The following PTPRD variants were observed in gnomAD, a reference collection of about 807,000 sequenced individuals.
The protein encoded by PTPRD is receptor-type tyrosine-protein phosphatase delta.
In PTPRD, 34 loss-of-function variants were observed where a neutral mutation model predicts 214.5. The ratio of observed to expected loss-of-function variants is 0.16; its 90% CI spans 0.12 to 0.21. PTPRD has a LOEUF of 0.21. Among genes scored for constraint, PTPRD ranks in the 10% least tolerant of loss-of-function variants. The probability of loss-of-function intolerance (pLI) is 1.00; values close to 1 mark genes in which losing one functional copy is unlikely to be tolerated. For synonymous variants in PTPRD, 1,128 were observed against 845.7 expected (o/e 1.33, Z -5.79); for missense variants, 2,545 against 2,398.7 (o/e 1.06, Z -1.27).
chr9:9,849,881 C>A (rs1041336011), intron 5 of PTPRD, among the ~76,000 whole-genome samples: 1 of 152,018 alleles, frequency 6.6e-6, no homozygotes, highest in Non-Finnish European at 1.5e-5. Flanking sequence ...TAGGGATTAA[C>A]ATAGTAAAAG....
At chr9:8,671,382 T>A (rs538889183) in intron 12 of PTPRD, among the ~76,000 whole-genome samples, 1 of 152,040 alleles carries the variant, frequency 6.6e-6, no homozygotes, top group Non-Finnish European at 1.5e-5. Flanking sequence ...AAAGTAACAA[T>A]GGTAGGAAAT....
intron 7 of PTPRD, among the ~76,000 whole-genome samples, chr9:9,671,954 G>C (rs2096840311): frequency 6.6e-6 from 1 of 152,182 alleles, no homozygotes; most frequent in East Asian, 1.9e-4. Context: ...TTAGGGGGTT[G>C]TTATGAGATG....
chr9:8,666,860 T>C (rs941553166), intron 12 of PTPRD, among the ~76,000 whole-genome samples: 2 of 152,204 alleles, frequency 1.3e-5, no homozygotes, highest in African/African-American at 4.8e-5. Flanking sequence ...GACCTCCGCC[T>C]TCTCAAACTG....
At chr9:9,472,454 C>A (rs1239342387) in intron 8 of PTPRD, among the ~76,000 whole-genome samples, 1 of 151,980 alleles carries the variant, frequency 6.6e-6, no homozygotes, top group Non-Finnish European at 1.5e-5. Context: ...CCACCCGCCT[C>A]GGCCTCCCAA....
intron 7 of PTPRD, among the ~76,000 whole-genome samples, chr9:9,577,923 G>A (rs1395501194): frequency 6.6e-6 from 1 of 151,498 alleles, no homozygotes; most frequent in Non-Finnish European, 1.5e-5. Flanking sequence ...GTGCACACCT[G>A]TAGTCCCAGG....
intron 5 of PTPRD, among the ~76,000 whole-genome samples, chr9:9,837,046 T>A (rs1467054077): frequency 6.7e-6 from 1 of 150,358 alleles, no homozygotes; most frequent in Non-Finnish European, 1.5e-5. Context: ...GGTGCAGAAA[T>A]GAGGTCTATA....
intron 3 of PTPRD, among the ~76,000 whole-genome samples, chr9:10,113,223 C>T (rs1289787975): frequency 6.6e-6 from 1 of 152,160 alleles, no homozygotes; most frequent in Non-Finnish European, 1.5e-5. Flanking sequence ...GTTTCCAGTG[C>T]TTTCATAAAA....
chr9:8,440,683 T>C (rs1234387972), intron 34 of PTPRD, among the ~76,000 whole-genome samples: 5 of 152,254 alleles, frequency 3.3e-5, no homozygotes, highest in Admixed American at 6.5e-5. Flanking sequence ...ATCTCCACAA[T>C]ATAGAGTCAA....
intron 5 of PTPRD, among the ~76,000 whole-genome samples, chr9:9,830,947 T>G (rs2054624418): frequency 1.3e-5 from 2 of 151,944 alleles, no homozygotes; most frequent in African/African-American, 4.8e-5. Context: ...CTCAAGAATA[T>G]GCAAGAACTC....
intron 8 of PTPRD, among the ~76,000 whole-genome samples, chr9:9,455,556 G>C (rs536654538): frequency 2.2e-4 from 34 of 151,554 alleles, no homozygotes; most frequent in African/African-American, 8.0e-4. Context: ...GCCCCCAAAA[G>C]GCCTTTCAAG....
chr9:9,996,946 C>T (rs1258172346), intron 4 of PTPRD, among the ~76,000 whole-genome samples: 2 of 152,162 alleles, frequency 1.3e-5, no homozygotes, highest in Non-Finnish European at 2.9e-5. Flanking sequence ...AAACATTTAA[C>T]AAACCAGGAA....
chr9:9,602,531 T>A (rs1406158654), intron 7 of PTPRD, among the ~76,000 whole-genome samples: 1 of 152,156 alleles, frequency 6.6e-6, no homozygotes, highest in Non-Finnish European at 1.5e-5. Flanking sequence ...GAGTAATTCC[T>A]GTCTCAAAAG....
intron 6 of PTPRD, among the ~76,000 whole-genome samples, chr9:9,747,307 C>G (rs558661095): frequency 6.6e-6 from 1 of 152,114 alleles, no homozygotes; most frequent in South Asian, 2.1e-4. Flanking sequence ...AAAGAGGAAC[C>G]CTCCCAAGAA....
chr9:9,294,201 T>C (rs1952198418), intron 9 of PTPRD, among the ~76,000 whole-genome samples: 1 of 151,638 alleles, frequency 6.6e-6, no homozygotes. Flanking sequence ...AACTTATGAA[T>C]TGTTTATTTC....
chr9:10,165,409 C>T (rs2099152759), intron 3 of PTPRD, among the ~76,000 whole-genome samples: 1 of 151,504 alleles, frequency 6.6e-6, no homozygotes, highest in Admixed American at 6.6e-5. Flanking sequence ...TAAGTTAAAA[C>T]AGAATGAAAT....
intron 10 of PTPRD, among the ~76,000 whole-genome samples, chr9:9,166,374 C>T (rs1187229104): frequency 1.3e-5 from 2 of 152,102 alleles, no homozygotes; most frequent in African/African-American, 2.4e-5. Flanking sequence ...CCACTCCATC[C>T]ACAGAGAGCT....
chr9:8,477,895 G>T (rs148334909), intron 30 of PTPRD, among the ~76,000 whole-genome samples: 2 of 152,200 alleles, frequency 1.3e-5, no homozygotes, highest in Non-Finnish European at 2.9e-5. Context: ...GAGCCAGACT[G>T]CCTGGATTCA....
intron 11 of PTPRD, among the ~76,000 whole-genome samples, chr9:8,849,162 CAAAAA>C (rs997684190): frequency 7.1e-6 from 1 of 140,036 alleles, no homozygotes; most frequent in Non-Finnish European, 1.5e-5. Context: ...CTACTCAACT[CAAAAA>C]AAAATTTTTT....
intron 3 of PTPRD, among the ~76,000 whole-genome samples, chr9:10,289,352 T>A (rs563589651): frequency 6.6e-6 from 1 of 152,176 alleles, no homozygotes; most frequent in Non-Finnish European, 1.5e-5. Flanking sequence ...ATCTACTGAG[T>A]GTAAACTACA....
Sources: gnomAD v4.1 joint callset for allele counts (sites outside exome capture counted in the v4.1 genomes callset) on GRCh38, gnomAD v4.1.1 for gene constraint, MANE v1.5 for transcripts, NCBI Gene and HGNC (gene_info 2026-07-23, HGNC 2026-07-21) for gene names.